GHR: variants seen among roughly 807,000 people sequenced by gnomAD.
The protein encoded by GHR is GH receptor.
Under a neutral mutation model 67.1 loss-of-function variants are expected in GHR, and 35 were observed. That is an observed-to-expected ratio of 0.52 (90% CI 0.40 to 0.69). The LOEUF is 0.69. Among genes scored for constraint, GHR ranks in the 30% least tolerant of loss-of-function variants. The probability of loss-of-function intolerance (pLI) is 0.00; values close to 1 mark genes in which losing one functional copy is unlikely to be tolerated. For synonymous variants in GHR, 272 were observed against 269.1 expected (o/e 1.01, Z -0.10); for missense variants, 792 against 764.6 (o/e 1.04, Z -0.42).
chr5:42,526,628 G>T (rs1747716951), intron 1 of GHR, among the ~76,000 whole-genome samples: 3 of 152,172 alleles, frequency 2.0e-5, no homozygotes, highest in Admixed American at 2.0e-4. Flanking sequence ...CAAAGGGAAG[G>T]CTGATCCTTT....
At chr5:42,488,163 G>A (rs1745961007) in intron 1 of GHR, among the ~76,000 whole-genome samples, 1 of 152,122 alleles carries the variant, frequency 6.6e-6, no homozygotes, top group Non-Finnish European at 1.5e-5. Flanking sequence ...AAACTTTTAT[G>A]AACTCTGATT....
chr5:42,467,120 A>G (rs1744766533), intron 1 of GHR: 1 of 1,596,932 alleles, frequency 6.3e-7, no homozygotes, highest in East Asian at 2.2e-5. Context: ...GCCTTCCCAC[A>G]TTCATTACAC....
chr5:42,685,088 C>G (rs1274129569), intron 3 of GHR, among the ~76,000 whole-genome samples: 2 of 152,044 alleles, frequency 1.3e-5, no homozygotes, highest in African/African-American at 4.8e-5. Context: ...TGTTATCCCT[C>G]CCCCAGCCCC....
chr5:42,562,823 G>A (rs1305581989), intron 1 of GHR, among the ~76,000 whole-genome samples: 1 of 151,674 alleles, frequency 6.6e-6, no homozygotes, highest in African/African-American at 2.4e-5. Context: ...GCTAATTTTT[G>A]TATTTTTAGT....
At chr5:42,556,352 T>C (rs1749308924) in intron 1 of GHR, among the ~76,000 whole-genome samples, 1 of 152,156 alleles carries the variant, frequency 6.6e-6, no homozygotes, top group African/African-American at 2.4e-5. Flanking sequence ...GTATGAGAAA[T>C]TGTCTCCTAT....
At chr5:42,477,600 T>C (rs904305105) in intron 1 of GHR, among the ~76,000 whole-genome samples, 316 of 152,334 alleles carry the variant, frequency 2.1e-3, no homozygotes, top group African/African-American at 7.3e-3. Context: ...TGGTATCTCA[T>C]AGTGGTTTTG....
intron 3 of GHR, among the ~76,000 whole-genome samples, chr5:42,669,977 C>G (rs959528718): frequency 2.0e-5 from 3 of 152,012 alleles, no homozygotes; most frequent in Non-Finnish European, 2.9e-5. Context: ...TCAATGCAAT[C>G]CTATCAAAAT....
At chr5:42,468,753 T>A in intron 1 of GHR, 2 of 1,062,040 alleles carry the variant, frequency 1.9e-6, no homozygotes, top group Non-Finnish European at 2.9e-6. Context: ...CAGCTTCTTT[T>A]TTCTTGTTCT....
chr5:42,684,616 C>G (rs1390149952), intron 3 of GHR, among the ~76,000 whole-genome samples: 2 of 152,136 alleles, frequency 1.3e-5, no homozygotes, highest in African/African-American at 4.8e-5. Context: ...GCTCGTACAC[C>G]TCAGTGTTCT....
rs1420979766 is a variant in GHR at position 42,465,414 on chromosome 5, C to T, written c.-12+41459C>T. The T allele has an allele frequency of 4.0e-6, 6 of 1,508,306 alleles. No individual in the cohort carries two copies. In the African/African-American group the frequency reaches 6.9e-5, roughly 17 times the overall value. The allele number at this position is 1,508,306 out of a possible 1,614,324, so 93.4% of individuals were successfully genotyped here. ...GAAGAGGTTTCTACTTTTGCCCAGT[C>T]CTTATTTTGAATAGCCTTCCACTCA... On this transcript the variant is annotated intron_variant, in intron 1 of 9. Transcript: ENST00000230882.
At chr5:42,462,008 C>G (rs1444699770) in intron 1 of GHR, among the ~76,000 whole-genome samples, 1 of 152,210 alleles carries the variant, frequency 6.6e-6, no homozygotes, top group Non-Finnish European at 1.5e-5. Context: ...AGTCTCCTGT[C>G]CTGTCAGAAA....
At position 42,613,514 on chromosome 5, in the gene GHR, T is replaced by C. The variant is rs187218433; in HGVS notation, c.71-15524T>C. 8.5e-5 allele frequency among the ~76,000 whole-genome samples: 13 copies of C among 152,234 alleles called. No individual in the cohort carries two copies. In the East Asian group the frequency reaches 2.3e-3, roughly 27 times the overall value. Reference sequence around the variant, plus strand: ...TTAAGTATTTTCCCTGATAATCCTCTATACCAGGCATCGCTGTGGAAAGCT... The same window carrying C: ...TTAAGTATTTTCCCTGATAATCCTCCATACCAGGCATCGCTGTGGAAAGCT... On this transcript the variant is annotated intron_variant, in intron 2 of 9. Transcript: ENST00000230882.
chr5:42,662,698 A>G (rs1755714101), intron 3 of GHR, among the ~76,000 whole-genome samples: 2 of 152,210 alleles, frequency 1.3e-5, no homozygotes, highest in Non-Finnish European at 2.9e-5. Flanking sequence ...TAAAAGAACT[A>G]GAAAAGCAAG....
chr5:42,576,118 TAAAATAAAATAAAA>T (rs1561135924), intron 2 of GHR, among the ~76,000 whole-genome samples: 56 of 85,018 alleles, frequency 6.6e-4, no homozygotes, highest in African/African-American at 3.0e-3. Flanking sequence ...TAAAATAAAA[TAAAATAAAATAAAA>T]TAAAATAAAA....
intron 3 of GHR, among the ~76,000 whole-genome samples, chr5:42,686,154 G>A (rs1021981970): frequency 2.0e-5 from 3 of 152,102 alleles, no homozygotes; most frequent in Non-Finnish European, 4.4e-5. Flanking sequence ...TCAGCTTTCT[G>A]CGTATGGCTA....
intron 2 of GHR, among the ~76,000 whole-genome samples, chr5:42,600,035 A>G (rs532226608): frequency 5.7e-4 from 87 of 152,324 alleles, no homozygotes; most frequent in African/African-American, 2.1e-3. Flanking sequence ...GTCCTGGAGC[A>G]TATCTCTGTT....
At chr5:42,449,893 A>AT (rs1207184456) in intron 1 of GHR, among the ~76,000 whole-genome samples, 1 of 151,992 alleles carries the variant, frequency 6.6e-6, no homozygotes, top group Non-Finnish European at 1.5e-5. Context: ...TGATCATATG[A>AT]TTTTTGTTTT....
chr5:42,718,182 A>C (rs184872683), intron 9 of GHR, 61 bp downstream of exon 9: 2 of 892,776 alleles, frequency 2.2e-6, no homozygotes, highest in East Asian at 4.8e-5. Flanking sequence ...GACTCCTGTC[A>C]TATGTTGAAG....
intron 1 of GHR, among the ~76,000 whole-genome samples, chr5:42,551,598 ACTGGGTGAACC>A (rs1749038040): frequency 6.6e-6 from 1 of 152,206 alleles, no homozygotes; most frequent in Non-Finnish European, 1.5e-5. Flanking sequence ...GGAGTAACCA[ACTGGGTGAACC>A]CTGATCTCAT....
Sources: allele counts gnomAD v4.1 joint callset (sites outside exome capture counted in the v4.1 genomes callset), GRCh38; gene constraint gnomAD v4.1.1; transcripts MANE v1.5; gene names NCBI Gene and HGNC (gene_info 2026-07-23, HGNC 2026-07-21).